The following SSBP2 variants were observed in gnomAD, a reference collection of about 807,000 sequenced individuals.
The protein encoded by SSBP2 is single-stranded DNA-binding protein 2.
SSBP2 carries 17 observed loss-of-function variants against 61.8 expected under a neutral mutation model. That is an observed-to-expected ratio of 0.28 (90% CI 0.19 to 0.41). The LOEUF (loss-of-function observed/expected upper bound fraction) is 0.41. SSBP2 is among the 10% of genes least tolerant of loss of function. The pLI, the probability that SSBP2 is intolerant of heterozygous loss-of-function variation, is 1.00. For missense variants in SSBP2, 310 were observed against 458.7 expected, an observed-to-expected ratio of 0.68 and a Z score of 2.96; for synonymous variants, 139 against 141.3, an observed-to-expected ratio of 0.98 and a Z score of 0.12.
rs1332216226 is a variant in SSBP2 at position 81,466,374 on chromosome 5, A to G, written c.638+600T>C. Among the ~76,000 whole-genome samples, 4 of 152,024 alleles carry G rather than the reference A, an allele frequency of 2.6e-5. No homozygotes were observed. The East Asian group carries it at 7.7e-4, about 29-fold the overall frequency. On this transcript the variant is annotated intron_variant, in intron 9 of 16. Transcript: ENST00000320672. ...CAATAAAAAATTTAGTTTACTCCTT[A>G]TCTAAATGTGTCTGGAATTTTTCAA... is the stretch of plus-strand genomic sequence containing the variant.
At chr5:81,556,646 T>G (rs190757613) in intron 4 of SSBP2, among the ~76,000 whole-genome samples, 2 of 152,280 alleles carry the variant, frequency 1.3e-5, no homozygotes, top group Admixed American at 1.3e-4. Context: ...TACTGCCTTT[T>G]CATGAAATCC....
At chr5:81,615,393 A>AT (rs1745912800) in intron 4 of SSBP2, 80 bp downstream of exon 4, 1 of 1,008,994 alleles carries the variant, frequency 9.9e-7, no homozygotes, top group African/African-American at 1.6e-5. Flanking sequence ...AAAAGAATAG[A>AT]TGAGCCAGTG....
rs58288765 is a variant in SSBP2 at position 81,605,261 on chromosome 5, A to C, written c.282+10212T>G. Among the ~76,000 whole-genome samples, 125 of 152,276 alleles carry C rather than the reference A, an allele frequency of 8.2e-4. No homozygotes were observed. In the East Asian group the frequency reaches 0.011, roughly 14 times the overall value. On this transcript the variant is annotated intron_variant, in intron 4 of 16. Transcript: ENST00000320672. Reference sequence around the variant, plus strand: ...CTTCTTATACTTTACTCAAGAAAAAATATGCACAAACTTTTTTCTAGAAAT... The same window carrying C: ...CTTCTTATACTTTACTCAAGAAAAACTATGCACAAACTTTTTTCTAGAAAT...
chr5:81,546,921 A>G (rs928593376), intron 4 of SSBP2, among the ~76,000 whole-genome samples: 1 of 130,906 alleles, frequency 7.6e-6, no homozygotes, highest in African/African-American at 3.8e-5. Context: ...TTTTTAAAAA[A>G]TCAATCACAA....
chr5:81,703,508 A>G (rs777520832), intron 1 of SSBP2, among the ~76,000 whole-genome samples: 72 of 152,204 alleles, frequency 4.7e-4, no homozygotes, highest in Non-Finnish European at 9.7e-4. Flanking sequence ...ATGTATACAT[A>G]TGTAACTAAC....
chr5:81,568,380 G>A (rs1349467693), intron 4 of SSBP2, among the ~76,000 whole-genome samples: 1 of 152,152 alleles, frequency 6.6e-6, no homozygotes, highest in Non-Finnish European at 1.5e-5. Flanking sequence ...CATGTAAGAT[G>A]AGACTTGCCT....
chr5:81,587,761 G>GCA (rs749896266), intron 4 of SSBP2, among the ~76,000 whole-genome samples: 4,236 of 129,394 alleles, frequency 0.033, 201 homozygotes, highest in African/African-American at 0.1. Context: ...ACACACGCGC[G>GCA]CGCACACACA....
chr5:81,714,796 G>A (rs918655937), intron 1 of SSBP2, among the ~76,000 whole-genome samples: 12 of 152,082 alleles, frequency 7.9e-5, no homozygotes, highest in African/African-American at 2.4e-4. Flanking sequence ...GGATATTAGC[G>A]CTTTGTCAGA....
chr5:81,577,632 T>C (rs1260820957), intron 4 of SSBP2, among the ~76,000 whole-genome samples: 6 of 152,014 alleles, frequency 3.9e-5, no homozygotes, highest in Admixed American at 3.9e-4. Flanking sequence ...AGCACAAAAT[T>C]AGAACGAAAG....
chr5:81,622,397 G>T (rs1746680479), intron 3 of SSBP2, among the ~76,000 whole-genome samples: 1 of 152,180 alleles, frequency 6.6e-6, no homozygotes, highest in South Asian at 2.1e-4. Flanking sequence ...AAAGTGGAAG[G>T]TAGATTAAGA....
At chr5:81,600,704 A>C (rs2973338) in intron 4 of SSBP2, among the ~76,000 whole-genome samples, 4 of 151,652 alleles carry the variant, frequency 2.6e-5, no homozygotes, top group African/African-American at 9.7e-5. Context: ...AATGAAAAAA[A>C]GGAAGGAGAA....
intron 3 of SSBP2, among the ~76,000 whole-genome samples, chr5:81,625,000 T>C (rs1326733788): frequency 1.3e-5 from 2 of 150,488 alleles, no homozygotes; most frequent in Non-Finnish European, 2.9e-5. Flanking sequence ...AATTGCTCAC[T>C]TGCTCAAAAT....
intron 4 of SSBP2, among the ~76,000 whole-genome samples, chr5:81,584,118 T>C (rs1172128438): frequency 1.3e-5 from 2 of 152,178 alleles, no homozygotes; most frequent in African/African-American, 2.4e-5. Flanking sequence ...TAGCCAGTTA[T>C]AGAGCTATTC....
chr5:81,667,747 C>A (rs1220581325), intron 1 of SSBP2, among the ~76,000 whole-genome samples: 1 of 152,084 alleles, frequency 6.6e-6, no homozygotes, highest in East Asian at 1.9e-4. Context: ...GAATTGTTAC[C>A]TCTACAGAGA....
chr5:81,422,991 G>A (rs938245411), intron 16 of SSBP2, among the ~76,000 whole-genome samples: 3 of 152,110 alleles, frequency 2.0e-5, no homozygotes, highest in South Asian at 2.1e-4. Context: ...CAGAGCCTGC[G>A]GCTAAACAGA....
intron 4 of SSBP2, among the ~76,000 whole-genome samples, chr5:81,529,991 T>C (rs144499869): frequency 3.1e-4 from 47 of 152,066 alleles, no homozygotes; most frequent in African/African-American, 1.1e-3. Flanking sequence ...TGATGCAGAC[T>C]GCCAGGTTAG....
chr5:81,525,376 C>G (rs1024529515), intron 4 of SSBP2, among the ~76,000 whole-genome samples: 10 of 152,096 alleles, frequency 6.6e-5, no homozygotes, highest in Admixed American at 5.3e-4. Context: ...TTGTTCCCCT[C>G]TTTGTGTCCA....
intron 12 of SSBP2, 115 bp downstream of exon 12, chr5:81,446,753 C>T: frequency 1.0e-6 from 1 of 982,506 alleles, no homozygotes; most frequent in Non-Finnish European, 1.5e-6. Context: ...TGCCTCTACT[C>T]CTTTAACTAT....
chr5:81,588,181 G>A (rs2972237), intron 4 of SSBP2, among the ~76,000 whole-genome samples: 36,445 of 151,900 alleles, frequency 0.24, 5,819 homozygotes, highest in East Asian at 0.69. Flanking sequence ...GCCTAGGCTG[G>A]TCTTGAACTC....
Sources: allele counts gnomAD v4.1 joint callset (sites outside exome capture counted in the v4.1 genomes callset), GRCh38; gene constraint gnomAD v4.1.1; transcripts MANE v1.5; gene names NCBI Gene and HGNC (gene_info 2026-07-23, HGNC 2026-07-21).